Variants in ZNF317 observed in about 807,000 individuals in gnomAD.
The protein encoded by ZNF317 is zinc finger protein 317, also known as KRAB-containing zinc finger protein 317.
A neutral mutation model predicts 23.4 loss-of-function variants in ZNF317; 17 were observed. The ratio of observed to expected loss-of-function variants is 0.73; its 90% CI spans 0.50 to 1.09. The LOEUF is 1.09. ZNF317 is among the 50% of genes least tolerant of loss of function. The pLI is 0.00. For missense variants in ZNF317, 679 were observed against 796.7 expected, an observed-to-expected ratio of 0.85 and a Z score of 1.78; for synonymous variants, 317 against 314.9, an observed-to-expected ratio of 1.01 and a Z score of -0.07.
intron 1 of ZNF317, among the ~76,000 whole-genome samples, chr19:9,147,340 T>TTTTTTTTTTG (rs2050693482): frequency 5.4e-5 from 3 of 55,830 alleles, no homozygotes; most frequent in African/African-American, 3.1e-4. Context: ...GTTTTTTTTT[T>TTTTTTTTTTG]TTTTTTTTTT....
At chr19:9,157,012 T>A in intron 3 of ZNF317, 1 of 640,278 alleles carries the variant, frequency 1.6e-6, no homozygotes, top group South Asian at 2.1e-5. Context: ...GGCAAAGCTC[T>A]CGGAGTGGGC....
Position 9,160,543 on chromosome 19 carries a change from C to G in ZNF317, c.898C>G (p.His300Asp), listed in dbSNP as rs1187157893. Reference protein sequence around the residue: ...LSALKIHMRVHTGERPYKCDQ... With the variant: ...LSALKIHMRVDTGERPYKCDQ... Reference sequence around the variant, plus strand: ...GGCCCTGAAAATCCACATGCGAGTTCACACTGGCGAGAGGCCTTACAAGTG... The same window carrying G: ...GGCCCTGAAAATCCACATGCGAGTTGACACTGGCGAGAGGCCTTACAAGTG... The change falls in exon 7 of 7, where the codon CAC (histidine) becomes GAC (aspartate). Residue 300 changes from histidine to aspartate, a missense_variant. Physicochemically the swap from His to Asp is moderately conservative, Grantham distance 81. Transcript: ENST00000247956. The surrounding 1 kb of genome is among the most constrained non-coding windows in gnomAD (Gnocchi z 6.8). The G allele has an allele frequency of 6.2e-7, 1 of 1,614,092 alleles. No individual in the cohort carries two copies. The highest frequency in any genetic ancestry group is 8.5e-7 in the Non-Finnish European group (1 of 1,180,054).
rs748026616 is a variant in ZNF317 at position 9,160,901 on chromosome 19, A to C, written c.1256A>C (p.Glu419Ala). 1.2e-6 allele frequency: 2 copies of C among 1,614,180 alleles called. No homozygotes were observed. Among genetic ancestry groups the C allele is most frequent in the Non-Finnish European group, 1.7e-6 (2 of 1,180,026 alleles). ...MRIHIVKKPV[E>A]CRQCGKTFRN... ...ATTCACATCGTCAAGAAACCCGTGG[A>C]ATGTCGGCAGTGCGGGAAGACCTTC... is the stretch of plus-strand genomic sequence containing the variant. The change falls in exon 7 of 7, where the codon GAA becomes GCA. Residue 419 changes from glutamate (E) to alanine (A), a missense_variant. Coordinates refer to ENST00000247956, the MANE Select transcript of ZNF317 (RefSeq NM_020933.5). This position sits in a 1 kb window ranked among gnomAD's most constrained non-coding sequence, Gnocchi z 6.8.
chr19:9,157,691 T>A (rs1455938529), intron 4 of ZNF317: 2 of 505,190 alleles, frequency 4.0e-6, no homozygotes, highest in Non-Finnish European at 5.8e-6. Flanking sequence ...CTTTTTTTTT[T>A]TTTTTTTTTT....
intron 1 of ZNF317, among the ~76,000 whole-genome samples, 151 bp downstream of exon 1, chr19:9,140,743 T>C (rs565728331): frequency 1.3e-5 from 2 of 152,172 alleles, no homozygotes; most frequent in South Asian, 4.2e-4. Flanking sequence ...CGATCAGCGA[T>C]ATGAAAAGCT....
intron 6 of ZNF317, among the ~76,000 whole-genome samples, chr19:9,159,557 T>TG (rs201143501): frequency 0.022 from 3,350 of 151,496 alleles, 130 homozygotes; most frequent in African/African-American, 0.078. Context: ...TTTTTGTTTT[T>TG]TTTTTTGAGG....
rs1174890311 is a variant in ZNF317 at position 9,158,035 on chromosome 19, G to A, written c.345G>A (p.Pro115=). 40 of 1,551,370 alleles carry A rather than the reference G, an allele frequency of 2.6e-5. No homozygotes were observed. The highest frequency in any genetic ancestry group is 5.5e-5 in the African/African-American group (4 of 73,008). ...CACACTTGGAGCAGGAGGAGGAGCC[G>A]AGGACAGAGGAGAGGGGCGCTCACC... ...LISHLEQEEE[P]RTEERGAHQG... The change falls in exon 5 of 7, where the codon CCG becomes CCA. Residue 115 remains proline, a synonymous_variant. Transcript: ENST00000247956.
intron 1 of ZNF317, among the ~76,000 whole-genome samples, chr19:9,150,531 G>T (rs906662144): frequency 2.6e-5 from 4 of 152,154 alleles, no homozygotes; most frequent in Non-Finnish European, 5.9e-5. Flanking sequence ...CCAAATGGTG[G>T]GGGTGTTTCA....
chr19:9,143,938 T>TC (rs1229172535), intron 1 of ZNF317, among the ~76,000 whole-genome samples: 391 of 150,546 alleles, frequency 2.6e-3, no homozygotes, highest in Middle Eastern at 6.9e-3. Context: ...TTTTTTTTTT[T>TC]ACTTGCCTTA....
At chr19:9,143,067 C>A (rs79099584) in intron 1 of ZNF317, among the ~76,000 whole-genome samples, 10,129 of 152,100 alleles carry the variant, frequency 0.067, 346 homozygotes, top group Middle Eastern at 0.13. Flanking sequence ...TGTTTCTGTT[C>A]TTTTAAGGTT....
Position 9,160,651 on chromosome 19 carries a change from T to G in ZNF317, c.1006T>G (p.Cys336Gly). ...GCACACCGGAGAGAGGCCCTACGAG[T>G]GTCACGACTGTGGGAAAGCTTTCCA... ...RTHTGERPYECHDCGKAFQHP... is the reference protein window; with the variant it reads ...RTHTGERPYEGHDCGKAFQHP... The change falls in exon 7 of 7, where the codon TGT becomes GGT. Residue 336 changes from cysteine to glycine, a missense_variant. Physicochemically the swap from Cys to Gly is radical, Grantham distance 159. Coordinates refer to ENST00000247956, the MANE Select transcript of ZNF317 (RefSeq NM_020933.5). The surrounding 1 kb of genome is among the most constrained non-coding windows in gnomAD (Gnocchi z 6.8). The G allele has an allele frequency of 1.9e-6, 3 of 1,613,762 alleles. No individual in the cohort carries two copies. Among genetic ancestry groups the G allele is most frequent in the Non-Finnish European group, 2.5e-6 (3 of 1,179,968 alleles).
intron 5 of ZNF317, 90 bp from the exon 6 acceptor site, chr19:9,158,736 T>C: frequency 1.1e-6 from 1 of 875,802 alleles, no homozygotes; most frequent in Non-Finnish European, 1.9e-6. Context: ...TACATAGCCT[T>C]AGGATCTGCC....
intron 1 of ZNF317, among the ~76,000 whole-genome samples, chr19:9,152,958 G>A (rs2050748830): frequency 6.6e-6 from 1 of 152,170 alleles, no homozygotes; most frequent in South Asian, 2.1e-4. Context: ...CACTTCCACT[G>A]ATGATTTTAG....
intron 1 of ZNF317, among the ~76,000 whole-genome samples, chr19:9,155,224 A>C (rs1350859706): frequency 3.9e-5 from 6 of 152,036 alleles, no homozygotes; most frequent in Admixed American, 3.9e-4. Flanking sequence ...TAGAGACAGA[A>C]TCTTACTCTA....
rs537256133 is a variant in ZNF317, at chr19:9,145,516, T to G, written c.-93+4924T>G. 1.1e-4 allele frequency among the ~76,000 whole-genome samples: 16 copies of G among 152,352 alleles called. No individual in the cohort carries two copies. In the South Asian group the frequency reaches 3.3e-3, roughly 32 times the overall value. The stretch of plus-strand genomic sequence containing the variant: ...AACTTAAAGTTTGAGAACTATTGCT[T>G]AAAAGGTAACCTGTCTTTTTCTCCT... On this transcript the variant is annotated intron_variant, in intron 1 of 6. Coordinates refer to ENST00000247956, the MANE Select transcript of ZNF317 (RefSeq NM_020933.5).
rs115995041 is a variant in ZNF317, at chr19:9,159,938, T to C, written c.469-176T>C. On this transcript the variant is annotated intron_variant, in intron 6 of 6. Transcript: ENST00000247956. ...AGCCTTGTGGCCTGGCATTCACCTA[T>C]TGTCCTTGATGGAGCTCAAATGGGG... Among the ~76,000 whole-genome samples the C allele has an allele frequency of 6.1e-3, 932 of 152,328 alleles. 10 individuals carry two copies. Among genetic ancestry groups the C allele is most frequent in the African/African-American group, 0.022 (897 of 41,570 alleles).
At chr19:9,155,881 C>A in intron 1 of ZNF317, 44 bp from the exon 2 acceptor site, 2 of 1,076,552 alleles carry the variant, frequency 1.9e-6, no homozygotes, top group Non-Finnish European at 2.8e-6. Context: ...GCAGGAGAGA[C>A]AGATAGCCTT....
chr19:9,145,991 T>TATC (rs1256752000), intron 1 of ZNF317, among the ~76,000 whole-genome samples: 6 of 152,176 alleles, frequency 3.9e-5, no homozygotes, highest in African/African-American at 1.2e-4. Flanking sequence ...AAATTATTAT[T>TATC]ATTATTATTA....
At chr19:9,155,432 T>C (rs1446123600) in intron 1 of ZNF317, among the ~76,000 whole-genome samples, 1 of 152,188 alleles carries the variant, frequency 6.6e-6, no homozygotes, top group African/African-American at 2.4e-5. Flanking sequence ...AGAGAGCAGA[T>C]TTCCAAATCA....
Sources: gnomAD v4.1 joint callset for allele counts (sites outside exome capture counted in the v4.1 genomes callset) on GRCh38, gnomAD v4.1.1 for gene constraint, Gnocchi (gnomAD v3.1) non-coding constraint, MANE v1.5 for transcripts, NCBI Gene and HGNC (gene_info 2026-07-23, HGNC 2026-07-21) for gene names.